The following NKAIN2 variants were observed in gnomAD, a reference collection of about 807,000 sequenced individuals.
The protein encoded by NKAIN2 is sodium/potassium-transporting ATPase subunit beta-1-interacting protein 2.
Under a neutral mutation model 32.6 loss-of-function variants are expected in NKAIN2, and 14 were observed. That is an observed-to-expected ratio of 0.43 (90% CI 0.28 to 0.67). The LOEUF (loss-of-function observed/expected upper bound fraction) is 0.67, where lower values mean the gene tolerates loss of function less well. Among genes scored for constraint, NKAIN2 ranks in the 30% least tolerant of loss-of-function variants. The pLI is 0.17. For missense variants in NKAIN2, 198 were observed against 258.3 expected, an observed-to-expected ratio of 0.77 and a Z score of 1.60; for synonymous variants, 80 against 87.2, an observed-to-expected ratio of 0.92 and a Z score of 0.46.
chr6:124,443,913 CTG>C, intron 3 of NKAIN2, among the ~76,000 whole-genome samples: 1 of 151,994 alleles, frequency 6.6e-6, no homozygotes, highest in Non-Finnish European at 1.5e-5. Flanking sequence ...TCTCGTATAT[CTG>C]AGAGACATTC....
At chr6:124,153,315 G>T (rs1462496302) in intron 1 of NKAIN2, among the ~76,000 whole-genome samples, 2 of 151,618 alleles carry the variant, frequency 1.3e-5, no homozygotes, top group Non-Finnish European at 3.0e-5. Flanking sequence ...GATCTCTATG[G>T]ATATTGTAGA....
rs538435684 is a variant in NKAIN2, at chr6:124,141,331, C to A, written c.55-141674C>A. ...GCTAAAAATGTTTCCACCAGTCTAG[C>A]CCAAGCAAAACAAACAATAGTTATA... On this transcript the variant is annotated intron_variant, in intron 1 of 6. Transcript: ENST00000368417. Among the ~76,000 whole-genome samples the A allele has an allele frequency of 4.6e-5, 7 of 152,216 alleles. No individual in the cohort carries two copies. The South Asian group carries it at 1.4e-3, about 32-fold the overall frequency.
chr6:124,367,000 A>T (rs1420986706), intron 3 of NKAIN2, among the ~76,000 whole-genome samples: 2 of 151,844 alleles, frequency 1.3e-5, no homozygotes, highest in Non-Finnish European at 2.9e-5. Context: ...AATAATTATG[A>T]TATTATTTCC....
intron 1 of NKAIN2, among the ~76,000 whole-genome samples, chr6:124,080,760 A>T (rs1353389464): frequency 2.0e-5 from 3 of 152,106 alleles, no homozygotes; most frequent in African/African-American, 7.2e-5. Context: ...AGATCTTTAT[A>T]GAAGGCCTTT....
At chr6:124,743,580 C>T (rs78921439) in intron 4 of NKAIN2, among the ~76,000 whole-genome samples, 1,523 of 151,916 alleles carry the variant, frequency 0.01, 16 homozygotes, top group African/African-American at 0.035. Context: ...ACCTTAACAG[C>T]AAACAGTGAA....
chr6:124,213,120 T>A (rs1052391785), intron 1 of NKAIN2, among the ~76,000 whole-genome samples: 3 of 152,140 alleles, frequency 2.0e-5, no homozygotes, highest in African/African-American at 7.2e-5. Context: ...ATAGGAGATG[T>A]TTAGTGATCC....
At chr6:123,900,260 A>G (rs1774495091) in intron 1 of NKAIN2, among the ~76,000 whole-genome samples, 1 of 152,026 alleles carries the variant, frequency 6.6e-6, no homozygotes, top group African/African-American at 2.4e-5. Context: ...TCATGAGGTC[A>G]GGAGATCGAG....
chr6:124,174,437 A>G (rs1447734143), intron 1 of NKAIN2, among the ~76,000 whole-genome samples: 1 of 152,200 alleles, frequency 6.6e-6, no homozygotes, highest in Non-Finnish European at 1.5e-5. Context: ...TGCAGAAATT[A>G]GTTAGGGCAG....
intron 1 of NKAIN2, among the ~76,000 whole-genome samples, chr6:124,167,432 GT>G (rs1269746973): frequency 6.6e-6 from 1 of 152,112 alleles, no homozygotes; most frequent in East Asian, 1.9e-4. Context: ...AGACAATGGG[GT>G]TTTTTAGATA....
Position 124,448,614 on chromosome 6 carries a change from G to A in NKAIN2, c.273+93267G>A, listed in dbSNP as rs879391672. ...TTTGGTTATACTTCCACAGGATAGG[G>A]TCAAGAGACACTAACCTTAATGAAT... is the stretch of plus-strand genomic sequence containing the variant. On this transcript the variant is annotated intron_variant, in intron 3 of 6. Transcript: ENST00000368417. Among the ~76,000 whole-genome samples, 36 of 152,192 alleles carry A rather than the reference G, an allele frequency of 2.4e-4. 1 individual carries two copies. In the South Asian group the frequency reaches 2.7e-3, roughly 11 times the overall value.
intron 4 of NKAIN2, among the ~76,000 whole-genome samples, chr6:124,731,083 A>T (rs1306412688): frequency 7.0e-6 from 1 of 143,532 alleles, no homozygotes; most frequent in Non-Finnish European, 1.5e-5. Context: ...GAGGATGTGG[A>T]GAAATAGGAA....
chr6:124,350,744 T>C (rs1482581542), intron 2 of NKAIN2, among the ~76,000 whole-genome samples: 1 of 152,272 alleles, frequency 6.6e-6, no homozygotes, highest in Non-Finnish European at 1.5e-5. Context: ...ATATTCTTTA[T>C]GTACATATCC....
At chr6:124,795,440 C>T (rs1779955671) in intron 5 of NKAIN2, among the ~76,000 whole-genome samples, 1 of 152,092 alleles carries the variant, frequency 6.6e-6, no homozygotes. Context: ...AATAAATCAT[C>T]ATTGAAACAG....
chr6:124,499,129 A>G (rs540027498), intron 3 of NKAIN2, among the ~76,000 whole-genome samples: 1 of 152,310 alleles, frequency 6.6e-6, no homozygotes, highest in African/African-American at 2.4e-5. Flanking sequence ...TCATGTAAAA[A>G]GGGATTGGAT....
chr6:124,021,859 A>G (rs2114761743), intron 1 of NKAIN2, among the ~76,000 whole-genome samples: 1 of 152,142 alleles, frequency 6.6e-6, no homozygotes, highest in Admixed American at 6.5e-5. Context: ...AGTTAATTGA[A>G]CCCATGTAAA....
At chr6:124,176,578 A>G (rs1415000633) in intron 1 of NKAIN2, among the ~76,000 whole-genome samples, 1 of 152,180 alleles carries the variant, frequency 6.6e-6, no homozygotes, top group African/African-American at 2.4e-5. Flanking sequence ...TGTAATGTTT[A>G]TAAACAGTGT....
At chr6:124,308,608 A>T (rs962492188) in intron 2 of NKAIN2, among the ~76,000 whole-genome samples, 2 of 152,206 alleles carry the variant, frequency 1.3e-5, no homozygotes, top group Non-Finnish European at 2.9e-5. Flanking sequence ...TGCTTTAGAA[A>T]GAGATTCAGA....
At chr6:124,658,504 C>T in intron 4 of NKAIN2, 118 bp downstream of exon 4, 1 of 1,524,968 alleles carries the variant, frequency 6.6e-7, no homozygotes, top group Non-Finnish European at 8.8e-7. Context: ...GCTTTTTCCT[C>T]ATTAATGCGA....
At chr6:123,891,444 G>A (rs1774015027) in intron 1 of NKAIN2, among the ~76,000 whole-genome samples, 1 of 152,120 alleles carries the variant, frequency 6.6e-6, no homozygotes, top group South Asian at 2.1e-4. Flanking sequence ...ATAAATTAGT[G>A]TCTCTTCACT....
Sources: gnomAD v4.1 joint callset for allele counts (sites outside exome capture counted in the v4.1 genomes callset) on GRCh38, gnomAD v4.1.1 for gene constraint, MANE v1.5 for transcripts, NCBI Gene and HGNC (gene_info 2026-07-23, HGNC 2026-07-21) for gene names.